Variants in FAXDC2 observed in about 807,000 individuals in gnomAD.
FAXDC2 encodes the protein fatty acid hydroxylase domain-containing protein 2.
A neutral mutation model predicts 40.9 loss-of-function variants in FAXDC2; 41 were observed. The observed-to-expected ratio is 1.00, with a 90% CI of 0.78 to 1.30. FAXDC2 has a LOEUF of 1.30. Among genes scored for constraint, FAXDC2 ranks in the 50% most tolerant of loss-of-function variants. The pLI, the probability that FAXDC2 is intolerant of heterozygous loss-of-function variation, is 0.00. For synonymous variants in FAXDC2, 157 were observed against 149.3 expected, an observed-to-expected ratio of 1.05 and a Z score of -0.38; for missense variants, 390 against 408.8, an observed-to-expected ratio of 0.95 and a Z score of 0.40.
rs1257886027 is a variant in FAXDC2 at position 154,826,737 on chromosome 5, G to A, written c.367-3145C>T. On this transcript the variant is annotated intron_variant, in intron 5 of 8. Coordinates refer to ENST00000326080, the MANE Select transcript of FAXDC2 (RefSeq NM_032385.5). ...TTCTAGGTGTGACACCTAATTTGGA[G>A]GAGGTTTATAGAGAAAATGAGACAA... Among the ~76,000 whole-genome samples, 8 of 152,140 alleles carry A rather than the reference G, an allele frequency of 5.3e-5. No homozygotes were observed. In the South Asian group the frequency reaches 1.5e-3, roughly 28 times the overall value.
chr5:154,847,423 T>C (rs1760623862), intron 1 of FAXDC2, among the ~76,000 whole-genome samples: 1 of 152,156 alleles, frequency 6.6e-6, no homozygotes, highest in East Asian at 1.9e-4. Context: ...ACAGACGGTT[T>C]AATCTTGAAT....
chr5:154,844,382 C>CAA (rs1227960252), intron 1 of FAXDC2, among the ~76,000 whole-genome samples: 1 of 90,174 alleles, frequency 1.1e-5, no homozygotes, highest in Non-Finnish European at 2.3e-5. Flanking sequence ...ACCCTGCCTC[C>CAA]AAAAAAAAAA....
chr5:154,823,901 T>G (rs1334121675), intron 5 of FAXDC2: 1 of 354,926 alleles, frequency 2.8e-6, no homozygotes, highest in African/African-American at 2.1e-5. Flanking sequence ...CCAGGCCCCA[T>G]GTATTTACAG....
chr5:154,844,233 C>G (rs1166562952), intron 1 of FAXDC2, among the ~76,000 whole-genome samples: 4 of 151,202 alleles, frequency 2.6e-5, no homozygotes, highest in African/African-American at 9.7e-5. Flanking sequence ...AAAAAAAGAC[C>G]AGCCTGGAAA....
At chr5:154,840,052 A>G (rs936956295) in intron 1 of FAXDC2, among the ~76,000 whole-genome samples, 1 of 152,076 alleles carries the variant, frequency 6.6e-6, no homozygotes, top group African/African-American at 2.4e-5. Flanking sequence ...GAGGCAGGTG[A>G]CCTCCCAGAG....
chr5:154,820,346 G>T lies in FAXDC2; in HGVS notation c.972C>A (p.Ser324Arg). The change falls in exon 9 of 9, where the codon AGC (serine) becomes AGA (arginine). Residue 324 changes from serine (S) to arginine (R), a missense_variant. Physicochemically the swap from Ser to Arg is moderately radical, Grantham distance 110. Coordinates refer to ENST00000326080, the MANE Select transcript of FAXDC2 (RefSeq NM_032385.5). ...LLLGFTPLSE[S>R]IPDSPKRME ...CCATCCTCTTTGGGGAGTCTGGGAT[G>T]CTCTCAGAGAGCGGGGTGAAGCCCA... 1 of 1,612,848 alleles carries T rather than the reference G, an allele frequency of 6.2e-7. No individual in the cohort carries two copies. The highest frequency in any genetic ancestry group is 8.5e-7 in the Non-Finnish European group (1 of 1,179,434).
At chr5:154,833,160 C>G (rs1489443662) in intron 4 of FAXDC2, among the ~76,000 whole-genome samples, 1 of 151,910 alleles carries the variant, frequency 6.6e-6, no homozygotes, top group Non-Finnish European at 1.5e-5. Flanking sequence ...CCTCAGCCTC[C>G]TGAGTAGCTG....
intron 5 of FAXDC2, among the ~76,000 whole-genome samples, chr5:154,826,969 G>A (rs951218083): frequency 6.6e-6 from 1 of 152,160 alleles, no homozygotes; most frequent in Admixed American, 6.5e-5. Flanking sequence ...CCTTCTGTAT[G>A]TATTTTTAAC....
chr5:154,833,682 T>G (rs1215910390), intron 4 of FAXDC2, among the ~76,000 whole-genome samples: 1 of 151,562 alleles, frequency 6.6e-6, no homozygotes, highest in East Asian at 1.9e-4. Context: ...TCTTTCTTTT[T>G]TTTTTGAGAC....
intron 1 of FAXDC2, among the ~76,000 whole-genome samples, chr5:154,846,748 G>C (rs574474303): frequency 2.6e-4 from 39 of 151,960 alleles, no homozygotes; most frequent in African/African-American, 9.4e-4. Flanking sequence ...ATATTCTATT[G>C]TGAGTTTATC....
At chr5:154,849,217 T>C (rs887563138) in intron 1 of FAXDC2, among the ~76,000 whole-genome samples, 1 of 151,024 alleles carries the variant, frequency 6.6e-6, no homozygotes, top group African/African-American at 2.4e-5. Context: ...GAGGTGGAGG[T>C]TGCAGTGAGC....
intron 2 of FAXDC2, among the ~76,000 whole-genome samples, chr5:154,837,686 G>A (rs1239061693): frequency 6.6e-6 from 1 of 152,168 alleles, no homozygotes; most frequent in Non-Finnish European, 1.5e-5. Flanking sequence ...CCCAGGTGAA[G>A]GAAATATAAA....
chr5:154,836,700 G>A (rs1290094862), intron 2 of FAXDC2, among the ~76,000 whole-genome samples: 1 of 151,966 alleles, frequency 6.6e-6, no homozygotes, highest in East Asian at 1.9e-4. Context: ...GCCCAGGCTG[G>A]AGTGCAGTGG....
intron 5 of FAXDC2, among the ~76,000 whole-genome samples, chr5:154,830,092 G>A (rs142512407): frequency 1.1e-4 from 17 of 152,206 alleles, no homozygotes; most frequent in Admixed American, 2.0e-4. Context: ...AAAGATGATT[G>A]TCTTGTCTGG....
At chr5:154,846,893 G>A (rs140359286) in intron 1 of FAXDC2, among the ~76,000 whole-genome samples, 32 of 151,684 alleles carry the variant, frequency 2.1e-4, no homozygotes, top group Admixed American at 4.6e-4. Context: ...CTCCCTAGTA[G>A]CAAATTAGAT....
intron 2 of FAXDC2, 49 bp downstream of exon 2, chr5:154,838,082 G>A (rs1212424875): frequency 4.7e-6 from 6 of 1,263,604 alleles, no homozygotes; most frequent in African/African-American, 1.5e-5. Flanking sequence ...ATGGCAAAGA[G>A]CCACTGACTA....
rs374418283 is a variant in FAXDC2 at position 154,822,499 on chromosome 5, A to T, written c.651T>A (p.Ser217=). 128 of 1,613,540 alleles carry T rather than the reference A, an allele frequency of 7.9e-5. No individual in the cohort carries two copies. The African/African-American group carries it at 1.4e-3, about 17-fold the overall frequency. The change falls in exon 7 of 9, where the codon TCT becomes TCA. Residue 217 remains serine (S), a synonymous_variant. Coordinates refer to ENST00000326080, the MANE Select transcript of FAXDC2 (RefSeq NM_032385.5). ...HEWTAPIGVI[S]LYAHPIEHAV... Reference sequence around the variant, plus strand: ...CATGCTCTATAGGGTGGGCATAGAGAGAGATCACGCCAATGGGAGCTGTCC... The same window carrying T: ...CATGCTCTATAGGGTGGGCATAGAGTGAGATCACGCCAATGGGAGCTGTCC...
At chr5:154,842,653 G>A (rs1760506680) in intron 1 of FAXDC2, among the ~76,000 whole-genome samples, 2 of 142,180 alleles carry the variant, frequency 1.4e-5, no homozygotes, top group African/African-American at 5.3e-5. Flanking sequence ...CTCCCGAGTA[G>A]CTGGGATTAC....
In FAXDC2 at chr5:154,821,819, C is replaced by G. The variant is rs147748564; in HGVS notation, c.679-393G>C. The G allele has an allele frequency of 2.9e-3, 518 of 179,884 alleles. 2 individuals carry two copies. Among genetic ancestry groups the G allele is most frequent in the African/African-American group, 0.012 (488 of 41,730 alleles). The allele number at this position is 179,884 out of a possible 1,614,324, so 11.1% of individuals were successfully genotyped here. A position where few individuals can be genotyped will look rare whatever the true frequency, so the allele number is the denominator to read the frequency against. Reference sequence around the variant, plus strand: ...AAAATTAGCCAGATGTGGCCAGGTGCGATGGCTCACTCCTATAATCCCAAC... The same window carrying G: ...AAAATTAGCCAGATGTGGCCAGGTGGGATGGCTCACTCCTATAATCCCAAC... On this transcript the variant is annotated intron_variant, in intron 7 of 8. Coordinates refer to ENST00000326080, the MANE Select transcript of FAXDC2 (RefSeq NM_032385.5).
Sources: gnomAD v4.1 joint callset for allele counts (sites outside exome capture counted in the v4.1 genomes callset) on GRCh38, gnomAD v4.1.1 for gene constraint, MANE v1.5 for transcripts, NCBI Gene and HGNC (gene_info 2026-07-23, HGNC 2026-07-21) for gene names.